The following TMTC2 variants were observed in gnomAD, a reference collection of about 807,000 sequenced individuals.
The protein encoded by TMTC2 is protein O-mannosyl-transferase TMTC2.
TMTC2 carries 43 observed loss-of-function variants against 82.4 expected under a neutral mutation model. The observed-to-expected ratio is 0.52, with a 90% confidence interval of 0.41 to 0.67. The LOEUF (loss-of-function observed/expected upper bound fraction) is 0.67, where lower values mean the gene tolerates loss of function less well. TMTC2 is among the 30% of genes least tolerant of loss of function. The pLI is 0.00. For missense variants in TMTC2, 919 were observed against 1,012.4 expected (o/e 0.91, Z 1.25); for synonymous variants, 408 against 381.9 (o/e 1.07, Z -0.80).
chr12:83,090,169 C>G (rs1311670763), intron 11 of TMTC2, among the ~76,000 whole-genome samples: 2 of 152,112 alleles, frequency 1.3e-5, no homozygotes, highest in Non-Finnish European at 2.9e-5. Context: ...TTTTCAGAAG[C>G]TTTAGAAAGG....
At chr12:83,123,741 C>G (rs1885024077) in intron 11 of TMTC2, among the ~76,000 whole-genome samples, 1 of 152,148 alleles carries the variant, frequency 6.6e-6, no homozygotes, top group South Asian at 2.1e-4. Flanking sequence ...TCTCAGCAGT[C>G]TGCTAAAAAT....
chr12:82,921,422 T>C (rs1875389341), intron 3 of TMTC2, among the ~76,000 whole-genome samples: 1 of 152,192 alleles, frequency 6.6e-6, no homozygotes, highest in Admixed American at 6.5e-5. Context: ...CTACCAAGGA[T>C]GTAGTAATTG....
At chr12:83,013,791 G>A (rs996500662) in intron 8 of TMTC2, among the ~76,000 whole-genome samples, 12 of 152,192 alleles carry the variant, frequency 7.9e-5, no homozygotes, top group Admixed American at 7.9e-4. Context: ...GAGATTCATA[G>A]CAGCTTGAGC....
At chr12:82,914,249 CATT>C (rs886973733) in intron 3 of TMTC2, among the ~76,000 whole-genome samples, 1 of 152,126 alleles carries the variant, frequency 6.6e-6, no homozygotes, top group Non-Finnish European at 1.5e-5. Flanking sequence ...TAATTGTCCT[CATT>C]AGCACATGTA....
intron 1 of TMTC2, among the ~76,000 whole-genome samples, chr12:82,718,702 TG>T (rs1325127666): frequency 6.6e-6 from 1 of 152,190 alleles, no homozygotes; most frequent in Admixed American, 6.5e-5. Flanking sequence ...TATGGTTCAA[TG>T]GGTACTTCTA....
chr12:82,765,677 AAAAACAAAACAAAAC>A lies in TMTC2; in HGVS notation c.83+78022_83+78036del, dbSNP rs907816682. 4.6e-5 allele frequency among the ~76,000 whole-genome samples: 7 copies of A among 151,504 alleles called. No individual in the cohort carries two copies. The East Asian group carries it at 1.2e-3, about 25-fold the overall frequency. On this transcript the variant is annotated intron_variant, in intron 1 of 11. Transcript: ENST00000321196. ...CAACAAGAGTGAAACTCCATCTCGA[AAAAACAAAACAAAAC>A]AAAACAAAACAAACAAACAAACAAA... is the stretch of plus-strand genomic sequence containing the variant.
chr12:82,995,203 A>G (rs1879563077), intron 8 of TMTC2, among the ~76,000 whole-genome samples: 1 of 152,152 alleles, frequency 6.6e-6, no homozygotes, highest in Non-Finnish European at 1.5e-5. Context: ...GTCTAAGCCT[A>G]TGTTGACTCT....
chr12:83,065,820 A>G (rs975660231), intron 11 of TMTC2, among the ~76,000 whole-genome samples: 1 of 151,972 alleles, frequency 6.6e-6, no homozygotes, highest in Non-Finnish European at 1.5e-5. Context: ...GCATTAACTT[A>G]TGGATTTTTA....
In TMTC2 at chr12:83,003,256, T is replaced by A. The variant is rs147388564; in HGVS notation, c.2070+17210T>A. ...TAATGACCTCATCTCTTTTTTTTCC[T>A]ATCCCTTTGTCAGACAGGTCTTTCT... is the stretch of plus-strand genomic sequence containing the variant. On this transcript the variant is annotated intron_variant, in intron 8 of 11. Transcript: ENST00000321196. 4.6e-5 allele frequency among the ~76,000 whole-genome samples: 7 copies of A among 152,300 alleles called. No individual in the cohort carries two copies. In the East Asian group the frequency reaches 1.3e-3, roughly 29 times the overall value.
chr12:83,092,594 A>C (rs1310440529), intron 11 of TMTC2, among the ~76,000 whole-genome samples: 1 of 152,186 alleles, frequency 6.6e-6, no homozygotes, highest in African/African-American at 2.4e-5. Flanking sequence ...AGTCTCCACC[A>C]TATTATCTAT....
chr12:82,730,260 A>G (rs1293911252), intron 1 of TMTC2, among the ~76,000 whole-genome samples: 1 of 126,254 alleles, frequency 7.9e-6, no homozygotes, highest in African/African-American at 3.0e-5. Flanking sequence ...GCGCTACTGC[A>G]CTCCAGCCTG....
At chr12:83,001,580 A>C (rs1382060852) in intron 8 of TMTC2, among the ~76,000 whole-genome samples, 1 of 149,942 alleles carries the variant, frequency 6.7e-6, no homozygotes, top group East Asian at 2.0e-4. Flanking sequence ...GGTTGCCGTG[A>C]GCCGAGATCA....
intron 3 of TMTC2, among the ~76,000 whole-genome samples, chr12:82,915,164 A>G (rs939092038): frequency 2.0e-5 from 3 of 152,102 alleles, no homozygotes; most frequent in Non-Finnish European, 4.4e-5. Flanking sequence ...GAGAGGCAGG[A>G]TGCTTAAGGA....
intron 3 of TMTC2, among the ~76,000 whole-genome samples, chr12:82,897,444 C>A (rs1220748108): frequency 6.6e-6 from 1 of 152,028 alleles, no homozygotes; most frequent in African/African-American, 2.4e-5. Flanking sequence ...AGCTAGAGGA[C>A]AATTACATAA....
intron 1 of TMTC2, among the ~76,000 whole-genome samples, chr12:82,770,921 A>G (rs546453054): frequency 6.0e-4 from 92 of 152,224 alleles, no homozygotes; most frequent in African/African-American, 2.2e-3. Flanking sequence ...CACAGTAAAG[A>G]GTTGTTGCGG....
intron 1 of TMTC2, among the ~76,000 whole-genome samples, chr12:82,774,825 C>G (rs543196372): frequency 4.6e-5 from 7 of 152,030 alleles, no homozygotes; most frequent in Non-Finnish European, 1.0e-4. Context: ...TTTATTACTT[C>G]TGCTCTCTCT....
intron 1 of TMTC2, among the ~76,000 whole-genome samples, chr12:82,758,158 C>T (rs1051333353): frequency 6.6e-6 from 1 of 152,052 alleles, no homozygotes; most frequent in Non-Finnish European, 1.5e-5. Flanking sequence ...ATATTTCTGT[C>T]TCTACTATGA....
rs1391372505 is a variant in TMTC2, at chr12:82,745,028, AT to A, written c.83+57362del. Among the ~76,000 whole-genome samples the A allele has an allele frequency of 3.3e-5, 5 of 152,070 alleles. No homozygotes were observed. In the East Asian group the frequency reaches 9.6e-4, roughly 29 times the overall value. Reference sequence around the variant, plus strand: ...AAGAATGTATACAAAAGATATTGCTATTTCAGGTCTGGATTGAAGAACTCCT... The same window carrying A: ...AAGAATGTATACAAAAGATATTGCTATTCAGGTCTGGATTGAAGAACTCCT... On this transcript the variant is annotated intron_variant, in intron 1 of 11. Transcript: ENST00000321196.
intron 1 of TMTC2, among the ~76,000 whole-genome samples, chr12:82,729,837 G>C (rs1319306618): frequency 6.6e-6 from 1 of 152,158 alleles, no homozygotes; most frequent in Non-Finnish European, 1.5e-5. Context: ...GGTCCACACT[G>C]CCTTTATGAG....
Sources: allele counts gnomAD v4.1 joint callset (sites outside exome capture counted in the v4.1 genomes callset), GRCh38; gene constraint gnomAD v4.1.1; transcripts MANE v1.5; gene names NCBI Gene and HGNC (gene_info 2026-07-23, HGNC 2026-07-21).